The following TMOD3 variants were observed in gnomAD, a reference collection of about 807,000 sequenced individuals.
The protein encoded by TMOD3 is tropomodulin-3.
Under a neutral mutation model 39.2 loss-of-function variants are expected in TMOD3, and 20 were observed. The observed-to-expected ratio is 0.51, with a 90% CI of 0.36 to 0.74. The LOEUF (loss-of-function observed/expected upper bound fraction) is 0.74, where lower values mean the gene tolerates loss of function less well. TMOD3 is among the 30% of genes least tolerant of loss of function. The pLI is 0.00. For missense variants in TMOD3, 381 were observed against 412.8 expected (o/e 0.92, Z 0.67); for synonymous variants, 143 against 145.8 (o/e 0.98, Z 0.14).
At chr15:51,892,874 G>T (rs1354787264) in intron 5 of TMOD3, among the ~76,000 whole-genome samples, 2 of 152,128 alleles carry the variant, frequency 1.3e-5, no homozygotes, top group African/African-American at 4.8e-5. Flanking sequence ...TATTTGAGTG[G>T]TAAAAATATC....
chr15:51,900,481 A>G (rs549597833), intron 8 of TMOD3, among the ~76,000 whole-genome samples, 183 bp downstream of exon 8: 114 of 152,322 alleles, frequency 7.5e-4, no homozygotes, highest in Non-Finnish European at 1.6e-3. Flanking sequence ...AACAGTGTAT[A>G]CAATGTAAAG....
intron 1 of TMOD3, among the ~76,000 whole-genome samples, chr15:51,835,574 GC>G (rs1200706878): frequency 5.3e-5 from 8 of 152,184 alleles, no homozygotes; most frequent in African/African-American, 1.9e-4. Context: ...ATCCCAAAGT[GC>G]TGGGATTACA....
rs1401861568 is a variant in TMOD3, at chr15:51,893,831, A to G, written c.513A>G (p.Glu171=). The change falls in exon 6 of 10, where the codon GAA becomes GAG. Residue 171 remains glutamate, a synonymous_variant. Coordinates refer to ENST00000308580, the MANE Select transcript of TMOD3 (RefSeq NM_014547.5). ...TCACTGCAGATGTGGTCAAAGGTGA[A>G]AAGATTCTTCCGGTATTTGATGAGC... ...QEHFSNVVKG[E]KILPVFDEPP... is the part of the protein sequence containing the mutation. The G allele has an allele frequency of 6.2e-7, 1 of 1,605,100 alleles. No individual in the cohort carries two copies. The highest frequency in any genetic ancestry group is 8.5e-7 in the Non-Finnish European group (1 of 1,174,632).
chr15:51,848,120 C>A (rs186304875), intron 1 of TMOD3, among the ~76,000 whole-genome samples: 23 of 152,320 alleles, frequency 1.5e-4, no homozygotes, highest in African/African-American at 5.3e-4. Context: ...TTGGACTTCT[C>A]AGCCTCTGGA....
chr15:51,830,136 C>G (rs1050492243), intron 1 of TMOD3, among the ~76,000 whole-genome samples: 1 of 152,156 alleles, frequency 6.6e-6, no homozygotes, highest in Non-Finnish European at 1.5e-5. Context: ...CCCCTCCCCT[C>G]CCGCTGAGCC....
chr15:51,865,644 A>G (rs2056441520), intron 2 of TMOD3, among the ~76,000 whole-genome samples: 1 of 152,202 alleles, frequency 6.6e-6, no homozygotes, highest in South Asian at 2.1e-4. Context: ...CTAGGAGAAC[A>G]GTGATGTTTA....
At position 51,855,023 on chromosome 15, in the gene TMOD3, CT is replaced by C. The variant is rs2056381012; in HGVS notation, c.-74-7786del. 2.0e-5 allele frequency among the ~76,000 whole-genome samples: 3 copies of C among 152,282 alleles called. No homozygotes were observed. In the South Asian group the frequency reaches 6.2e-4, roughly 32 times the overall value. ...TTGGCCAAAAATATACCAGGAGTTTCTTGATGTCCTTAAGTATAGCCTCCAC... is the reference window on the plus strand; with the variant it reads ...TTGGCCAAAAATATACCAGGAGTTTCTGATGTCCTTAAGTATAGCCTCCAC... On this transcript the variant is annotated intron_variant, in intron 1 of 9. Transcript: ENST00000308580.
chr15:51,889,411 T>A (rs1393536284), intron 5 of TMOD3, among the ~76,000 whole-genome samples: 1 of 152,164 alleles, frequency 6.6e-6, no homozygotes, highest in African/African-American at 2.4e-5. Flanking sequence ...CTTGGTTTTG[T>A]TGACATTTTA....
chr15:51,881,436 T>A (rs2056533101), intron 3 of TMOD3, among the ~76,000 whole-genome samples: 1 of 152,180 alleles, frequency 6.6e-6, no homozygotes, highest in African/African-American at 2.4e-5. Context: ...CAAAAGTTTT[T>A]AATTTTGATG....
Position 51,915,627 on chromosome 15 carries a change from T to G in TMOD3, c.*6817T>G, listed in dbSNP as rs1055700265. 2 of 152,202 alleles carry G rather than the reference T, an allele frequency of 1.3e-5. No individual in the cohort carries two copies. The highest frequency in any genetic ancestry group is 1.3e-4 in the Admixed American group (2 of 15,282). The allele number at this position is 152,202 out of a possible 1,614,324, so 9.4% of individuals were successfully genotyped here. ...ATTATCCAAATTCATAACAGCACAG[T>G]GAAGTTTCTTTTGAAGACTATGTAC... On this transcript the variant is annotated 3_prime_UTR_variant, in exon 10 of 10. Transcript: ENST00000308580.
At chr15:51,896,067 C>T (rs888537302) in intron 6 of TMOD3, among the ~76,000 whole-genome samples, 8 of 152,040 alleles carry the variant, frequency 5.3e-5, no homozygotes, top group African/African-American at 1.2e-4. Flanking sequence ...GAGATTGCGC[C>T]GTTGCACTCC....
At chr15:51,857,224 A>C (rs756880584) in intron 1 of TMOD3, among the ~76,000 whole-genome samples, 39 of 152,238 alleles carry the variant, frequency 2.6e-4, no homozygotes, top group Non-Finnish European at 4.9e-4. Context: ...GCAAAACTGA[A>C]GGAAAGCAAG....
chr15:51,851,797 C>T (rs1450638587), intron 1 of TMOD3, among the ~76,000 whole-genome samples: 2 of 152,204 alleles, frequency 1.3e-5, no homozygotes, highest in Non-Finnish European at 2.9e-5. Context: ...GTTTCCAAAA[C>T]ATATCACGTT....
At chr15:51,855,260 C>G (rs899587340) in intron 1 of TMOD3, among the ~76,000 whole-genome samples, 1 of 152,220 alleles carries the variant, frequency 6.6e-6, no homozygotes, top group Non-Finnish European at 1.5e-5. Flanking sequence ...AGTTCCTGAC[C>G]AGCAGCATCA....
At chr15:51,853,787 T>A (rs1895273597) in intron 1 of TMOD3, among the ~76,000 whole-genome samples, 1 of 138,564 alleles carries the variant, frequency 7.2e-6, no homozygotes. Flanking sequence ...AGTCACTGTC[T>A]CTTAAAAAAA....
At position 51,896,467 on chromosome 15, in the gene TMOD3, AAC is replaced by A; in HGVS notation, c.682_683del (p.His228CysfsTer13). ...AGATTTTGCAAAGGCTTTGGAAACC[AAC>A]ACACATGTGAAATGTTTCAGTCTTG... ...LKDFAKALET[N>X]THVKCFSLAA... is the part of the protein sequence containing the mutation. On this transcript the variant is annotated frameshift_variant, in exon 7 of 10. Coordinates refer to ENST00000308580, the MANE Select transcript of TMOD3 (RefSeq NM_014547.5). LOFTEE classifies it high-confidence loss of function. The A allele has an allele frequency of 6.2e-7, 1 of 1,613,788 alleles. No homozygotes were observed. The highest frequency in any genetic ancestry group is 1.3e-5 in the African/African-American group (1 of 75,052).
intron 1 of TMOD3, chr15:51,833,211 C>G (rs573992990): frequency 6.6e-6 from 1 of 152,264 alleles, no homozygotes; most frequent in Non-Finnish European, 1.5e-5. Context: ...CTATATGTGT[C>G]TGTAATCCAT....
Position 51,911,144 on chromosome 15 carries a change from C to T in TMOD3, c.*2334C>T, listed in dbSNP as rs2056709546. The T allele has an allele frequency of 6.6e-6, 1 of 152,212 alleles. No individual in the cohort carries two copies. The highest frequency in any genetic ancestry group is 2.4e-5 in the African/African-American group (1 of 41,454). The allele number at this position is 152,212 out of a possible 1,614,324, so 9.4% of individuals were successfully genotyped here. A position where few individuals can be genotyped will look rare whatever the true frequency, so the allele number is the denominator to read the frequency against. ...ACTTTCAGTCAGGCATCCTCGTTTG[C>T]ATTGTCCTGTAAGTCAATTAGTTGA... On this transcript the variant is annotated 3_prime_UTR_variant, in exon 10 of 10. Transcript: ENST00000308580.
intron 3 of TMOD3, among the ~76,000 whole-genome samples, chr15:51,879,858 A>ACC (rs1316597729): frequency 7.2e-6 from 1 of 138,748 alleles, no homozygotes; most frequent in Non-Finnish European, 1.5e-5. Context: ...TCTGTCTTTC[A>ACC]CACACACACA....
Sources: gnomAD v4.1 joint callset for allele counts (sites outside exome capture counted in the v4.1 genomes callset) on GRCh38, gnomAD v4.1.1 for gene constraint, MANE v1.5 for transcripts, NCBI Gene and HGNC (gene_info 2026-07-23, HGNC 2026-07-21) for gene names.